Variants in CLSTN2 observed in about 807,000 individuals in gnomAD.
The protein encoded by CLSTN2 is calsyntenin 2, also known as calsyntenin-2.
Under a neutral mutation model 101.2 loss-of-function variants are expected in CLSTN2, and 48 were observed. That is an observed-to-expected ratio of 0.47 (90% CI 0.38 to 0.60). The LOEUF is 0.60. Among genes scored for constraint, CLSTN2 ranks in the 20% least tolerant of loss-of-function variants. The pLI is 0.00. For missense variants in CLSTN2, 1,160 were observed against 1,238.2 expected, an observed-to-expected ratio of 0.94 and a Z score of 0.95; for synonymous variants, 481 against 463.6, an observed-to-expected ratio of 1.04 and a Z score of -0.48.
At chr3:140,044,878 G>A (rs975060789) in intron 1 of CLSTN2, among the ~76,000 whole-genome samples, 1 of 152,198 alleles carries the variant, frequency 6.6e-6, no homozygotes, top group Non-Finnish European at 1.5e-5. Context: ...CAGGGATGAA[G>A]CCCACTTGAT....
At chr3:139,969,427 G>T (rs1255867214) in intron 1 of CLSTN2, among the ~76,000 whole-genome samples, 1 of 152,146 alleles carries the variant, frequency 6.6e-6, no homozygotes, top group Non-Finnish European at 1.5e-5. Context: ...GACCTTGAGT[G>T]CCTCCCCTGT....
intron 1 of CLSTN2, among the ~76,000 whole-genome samples, chr3:140,064,178 C>T (rs2008259588): frequency 6.6e-6 from 1 of 152,238 alleles, no homozygotes; most frequent in Admixed American, 6.5e-5. Context: ...AAAAACACTT[C>T]TAAAACATCC....
At position 140,483,132 on chromosome 3, in the gene CLSTN2, G is replaced by A. The variant is rs575861478; in HGVS notation, c.1344+16401G>A. Among the ~76,000 whole-genome samples, 2 of 151,976 alleles carry A rather than the reference G, an allele frequency of 1.3e-5. 1 individual carries two copies. Among genetic ancestry groups the A allele is most frequent in the Non-Finnish European group, 2.9e-5 (2 of 68,000 alleles). The stretch of plus-strand genomic sequence containing the variant: ...GCTTTGAATATGTCCCAGACATTCT[G>A]GTATGTTGTGTCTTTGTTCTCGTTG... On this transcript the variant is annotated intron_variant, in intron 8 of 16. Transcript: ENST00000458420.
At chr3:140,305,544 A>G (rs2087105775) in intron 2 of CLSTN2, among the ~76,000 whole-genome samples, 1 of 152,138 alleles carries the variant, frequency 6.6e-6, no homozygotes, top group Admixed American at 6.5e-5. Context: ...CAGAAATGAG[A>G]AGCTCACCAG....
Position 140,574,928 on chromosome 3 carries a change from T to C in CLSTN2, c.*8675T>C, listed in dbSNP as rs1985684110. On this transcript the variant is annotated 3_prime_UTR_variant, in exon 17 of 17. Coordinates refer to ENST00000458420, the MANE Select transcript of CLSTN2 (RefSeq NM_022131.3). Reference sequence around the variant, plus strand: ...CATAAGGGCCTCTGTGAGGAGGGCCTTGCTTGTGCCTGTGGGTCATGGATG... The same window carrying C: ...CATAAGGGCCTCTGTGAGGAGGGCCCTGCTTGTGCCTGTGGGTCATGGATG... 1 of 152,196 alleles carries C rather than the reference T, an allele frequency of 6.6e-6. No homozygotes were observed. Among genetic ancestry groups the C allele is most frequent in the African/African-American group, 2.4e-5 (1 of 41,446 alleles). The allele number at this position is 152,196 out of a possible 1,614,324, so 9.4% of individuals were successfully genotyped here.
intron 2 of CLSTN2, among the ~76,000 whole-genome samples, chr3:140,220,224 T>C (rs1034062999): frequency 6.6e-6 from 1 of 152,194 alleles, no homozygotes; most frequent in African/African-American, 2.4e-5. Flanking sequence ...TCTTTAGTCT[T>C]TTCTGCTCAC....
At chr3:140,315,401 A>G (rs1051380750) in intron 2 of CLSTN2, among the ~76,000 whole-genome samples, 20 of 152,222 alleles carry the variant, frequency 1.3e-4, no homozygotes, top group African/African-American at 3.6e-4. Flanking sequence ...ATGACTCCAG[A>G]GCAATCAACC....
In CLSTN2 at chr3:140,417,866, A is replaced by C. The variant is rs578078923; in HGVS notation, c.638-3259A>C. Among the ~76,000 whole-genome samples the C allele has an allele frequency of 3.3e-5, 5 of 152,326 alleles. No homozygotes were observed. The South Asian group carries it at 1.0e-3, about 32-fold the overall frequency. ...CCCTCAGTTTTTAGCTAATGCTTCA[A>C]ATTCTGTGCTTTGAAACTCATTTTC... On this transcript the variant is annotated intron_variant, in intron 4 of 16. Coordinates refer to ENST00000458420, the MANE Select transcript of CLSTN2 (RefSeq NM_022131.3).
chr3:140,119,642 G>C, intron 1 of CLSTN2, among the ~76,000 whole-genome samples: 1 of 152,084 alleles, frequency 6.6e-6, no homozygotes, highest in South Asian at 2.1e-4. Flanking sequence ...CCAAGTAGCT[G>C]GGGGTATGGA....
At chr3:139,963,822 T>A (rs1443694233) in intron 1 of CLSTN2, among the ~76,000 whole-genome samples, 1 of 152,234 alleles carries the variant, frequency 6.6e-6, no homozygotes, top group Non-Finnish European at 1.5e-5. Context: ...TAGGGAGCTC[T>A]TCCTGGGCAG....
intron 2 of CLSTN2, among the ~76,000 whole-genome samples, chr3:140,304,189 A>C (rs940286217): frequency 6.6e-6 from 1 of 152,180 alleles, no homozygotes; most frequent in African/African-American, 2.4e-5. Flanking sequence ...ACTGTGGCTA[A>C]CCTAAAACTC....
intron 10 of CLSTN2, among the ~76,000 whole-genome samples, chr3:140,552,732 C>T (rs371666820): frequency 1.2e-4 from 19 of 152,116 alleles, no homozygotes; most frequent in African/African-American, 3.9e-4. Flanking sequence ...CTCATGCTTT[C>T]GATGTGCTAG....
intron 1 of CLSTN2, among the ~76,000 whole-genome samples, chr3:140,054,093 G>A (rs893085669): frequency 6.6e-6 from 1 of 152,136 alleles, no homozygotes; most frequent in African/African-American, 2.4e-5. Context: ...AAAGACAAGG[G>A]GCTGGTGGTG....
Position 140,218,842 on chromosome 3 carries a change from AG to A in CLSTN2, c.232+42774del, listed in dbSNP as rs980230045. Among the ~76,000 whole-genome samples, 29 of 152,286 alleles carry A rather than the reference AG, an allele frequency of 1.9e-4. 1 individual carries two copies. Among genetic ancestry groups the A allele is most frequent in the African/African-American group, 5.8e-4 (24 of 41,576 alleles). ...AATAACAGAGTATGTGGAATCCCCC[AG>A]GGGGACAAGAATATAGAAGCAGCTT... On this transcript the variant is annotated intron_variant, in intron 2 of 16. Transcript: ENST00000458420.
At chr3:140,390,483 C>G (rs1192473811) in intron 2 of CLSTN2, among the ~76,000 whole-genome samples, 1 of 152,082 alleles carries the variant, frequency 6.6e-6, no homozygotes, top group Admixed American at 6.5e-5. Context: ...ATATTTTAAG[C>G]CTTTTAAATT....
chr3:140,106,359 A>G (rs1202806231), intron 1 of CLSTN2, among the ~76,000 whole-genome samples: 1 of 152,184 alleles, frequency 6.6e-6, no homozygotes, highest in African/African-American at 2.4e-5. Context: ...GCTTCTTCCC[A>G]TTGACAAGGT....
chr3:140,429,154 T>C (rs139527510), intron 5 of CLSTN2, among the ~76,000 whole-genome samples: 81 of 152,324 alleles, frequency 5.3e-4, no homozygotes, highest in Middle Eastern at 6.8e-3. Context: ...TTATTGGCAT[T>C]GTGAGAGACA....
intron 1 of CLSTN2, among the ~76,000 whole-genome samples, chr3:140,014,669 C>A (rs1357279599): frequency 6.6e-6 from 1 of 152,054 alleles, no homozygotes; most frequent in African/African-American, 2.4e-5. Flanking sequence ...AGGGCCTGTG[C>A]CCAGCGTGTC....
intron 8 of CLSTN2, among the ~76,000 whole-genome samples, chr3:140,467,933 A>G (rs1576584731): frequency 1.3e-5 from 2 of 152,212 alleles, no homozygotes; most frequent in Non-Finnish European, 2.9e-5. Context: ...ACAAAGATTC[A>G]TTAACTCTAA....
Sources: allele counts gnomAD v4.1 joint callset (sites outside exome capture counted in the v4.1 genomes callset), GRCh38; gene constraint gnomAD v4.1.1; transcripts MANE v1.5; gene names NCBI Gene and HGNC (gene_info 2026-07-23, HGNC 2026-07-21).